Variants in WNT5B observed in about 807,000 individuals in gnomAD.
WNT5B encodes the protein protein Wnt-5b.
A neutral mutation model predicts 36.5 loss-of-function variants in WNT5B; 18 were observed. That is an observed-to-expected ratio of 0.49 (90% CI 0.34 to 0.73). The LOEUF (loss-of-function observed/expected upper bound fraction) is 0.73. WNT5B is among the 30% of genes least tolerant of loss of function. The pLI is 0.01. For missense variants in WNT5B, 424 were observed against 508.4 expected (o/e 0.83, Z 1.60); for synonymous variants, 213 against 212.3 (o/e 1.00, Z -0.03).
At chr12:1,621,516 T>C (rs2094533768) in intron 1 of WNT5B, among the ~76,000 whole-genome samples, 1 of 152,136 alleles carries the variant, frequency 6.6e-6, no homozygotes, top group Non-Finnish European at 1.5e-5. Context: ...TGATGCTGAA[T>C]TATCAATGGG....
At chr12:1,631,644 T>C (rs933198455) in intron 2 of WNT5B, among the ~76,000 whole-genome samples, 8 of 152,212 alleles carry the variant, frequency 5.3e-5, no homozygotes, top group South Asian at 4.1e-4. Flanking sequence ...TTCCGTTCAT[T>C]TGATTTTTTT....
intron 1 of WNT5B, among the ~76,000 whole-genome samples, chr12:1,619,125 C>T (rs1161930650): frequency 6.7e-6 from 1 of 148,802 alleles, no homozygotes; most frequent in Non-Finnish European, 1.5e-5. Flanking sequence ...CCACCAAGCC[C>T]CCAGCCCCTC....
chr12:1,622,173 T>C lies in WNT5B; in HGVS notation c.-58+5030T>C, dbSNP rs537544918. Reference sequence around the variant, plus strand: ...TCGCCCAGGCTGGAGTGCAGTGGCGTGATCTCGGCTCACTGCAAGCTCCGC... The same window carrying C: ...TCGCCCAGGCTGGAGTGCAGTGGCGCGATCTCGGCTCACTGCAAGCTCCGC... On this transcript the variant is annotated intron_variant, in intron 1 of 4. Transcript: ENST00000310594. 3.0e-3 allele frequency among the ~76,000 whole-genome samples: 435 copies of C among 147,114 alleles called. 10 individuals are homozygous for C. The highest frequency in any genetic ancestry group is 0.016 in the East Asian group (79 of 4,922).
chr12:1,627,165 G>GTT (rs1457468546), upstream of WNT5B, among the ~76,000 whole-genome samples: 2 of 152,238 alleles, frequency 1.3e-5, no homozygotes, highest in African/African-American at 2.4e-5. The surrounding 1 kb of genome is among the most constrained non-coding windows in gnomAD (Gnocchi z 5.0). Context: ...CTCTGGGAGG[G>GTT]ATGGTCAGGG....
At chr12:1,639,167 TCA>T (rs1489857446) in intron 3 of WNT5B, among the ~76,000 whole-genome samples, 7 of 151,552 alleles carry the variant, frequency 4.6e-5, no homozygotes, top group Admixed American at 1.3e-4. Context: ...AGACAGAGTC[TCA>T]CTCTGTCGCC....
chr12:1,629,574 A>G (rs985221671), intron 1 of WNT5B, among the ~76,000 whole-genome samples: 10 of 152,012 alleles, frequency 6.6e-5, no homozygotes, highest in African/African-American at 2.4e-4. Flanking sequence ...GCAGGAGGGC[A>G]CGGGCGGCCC....
chr12:1,644,207 G>A lies in WNT5B; in HGVS notation c.622-1587G>A, dbSNP rs2154439895. On this transcript the variant is annotated intron_variant, in intron 4 of 4. Coordinates refer to ENST00000397196, the MANE Select transcript of WNT5B (RefSeq NM_032642.3). The surrounding 1 kb of genome is among the most constrained non-coding windows in gnomAD (Gnocchi z 5.1). ...ATTTGGGATGGAAGGGTCATTGCAG[G>A]CCCCATCTTTGAAGTGTCTGTCAGG... 6.6e-6 allele frequency among the ~76,000 whole-genome samples: 1 copy of A among 152,296 alleles called. No homozygotes were observed. Among genetic ancestry groups the A allele is most frequent in the South Asian group, 2.1e-4 (1 of 4,824 alleles).
In WNT5B at chr12:1,646,035, G is replaced by A. The variant is rs1352425358; in HGVS notation, c.863G>A (p.Cys288Tyr). The A allele has an allele frequency of 1.2e-6, 2 of 1,613,218 alleles. No individual in the cohort carries two copies. Among genetic ancestry groups the A allele is most frequent in the Non-Finnish European group, 1.7e-6 (2 of 1,180,012 alleles). Reference protein sequence around the residue: ...LVYVDPSPDYCLRNESTGSLG... With the variant: ...LVYVDPSPDYYLRNESTGSLG... Reference sequence around the variant, plus strand: ...TATGTGGACCCCAGCCCCGACTACTGCCTGCGCAACGAGAGCACGGGCTCC... The same window carrying A: ...TATGTGGACCCCAGCCCCGACTACTACCTGCGCAACGAGAGCACGGGCTCC... Residue 288 changes from cysteine (C) to tyrosine (Y), a missense_variant, in exon 5 of 5, where the codon TGC becomes TAC. Transcript: ENST00000397196.
intron 4 of WNT5B, among the ~76,000 whole-genome samples, chr12:1,641,187 C>T (rs541822123): frequency 6.6e-6 from 1 of 152,202 alleles, no homozygotes; most frequent in South Asian, 2.1e-4. Context: ...GAGTTCGAGA[C>T]CAGCCTGACC....
rs1278403573 is a variant in WNT5B, at chr12:1,631,043, CTT to C, written c.-57-253_-57-252del. 2.5e-5 allele frequency: 6 copies of C among 240,490 alleles called. No individual in the cohort carries two copies. The Admixed American group carries it at 3.1e-4, about 12-fold the overall frequency. The allele number at this position is 240,490 out of a possible 1,614,324, so 14.9% of individuals were successfully genotyped here. A position where few individuals can be genotyped will look rare whatever the true frequency, so the allele number is the denominator to read the frequency against. On this transcript the variant is annotated intron_variant, in intron 1 of 4. Coordinates refer to ENST00000397196, the MANE Select transcript of WNT5B (RefSeq NM_032642.3). ...CTTGAAATTACTTGTTTTCATTTCTCTTTGTGGTTTCTCAGCTCATTATTTCT... is the reference window on the plus strand; with the variant it reads ...CTTGAAATTACTTGTTTTCATTTCTCTGTGGTTTCTCAGCTCATTATTTCT...
At chr12:1,629,845 G>A (rs1565605878) in intron 1 of WNT5B, 2 of 150,998 alleles carry the variant, frequency 1.3e-5, no homozygotes, top group Admixed American at 1.3e-4. Flanking sequence ...CAGAGGAGGG[G>A]GGGTCTGAGG....
At chr12:1,619,077 T>C (rs115345549) in intron 1 of WNT5B, among the ~76,000 whole-genome samples, 1,633 of 152,010 alleles carry the variant, frequency 0.011, 23 homozygotes, top group African/African-American at 0.036. Context: ...AGGGCCAGAA[T>C]TTAAATCTCA....
intron 1 of WNT5B, chr12:1,617,156 C>T (rs1354087204): frequency 6.6e-6 from 1 of 152,196 alleles, no homozygotes; most frequent in Non-Finnish European, 1.5e-5. Flanking sequence ...GAGGCCATAA[C>T]TTCTTATCTA....
intron 1 of WNT5B, among the ~76,000 whole-genome samples, chr12:1,623,073 C>T (rs1373109488): frequency 1.3e-4 from 19 of 151,596 alleles, no homozygotes; most frequent in Admixed American, 1.2e-3. Flanking sequence ...AGCATGAAAT[C>T]CTAAAGAGGA....
chr12:1,639,634 C>A, intron 3 of WNT5B, 50 bp from the exon 4 acceptor site: 8 of 1,444,218 alleles, frequency 5.5e-6, no homozygotes, highest in Non-Finnish European at 7.2e-6. Flanking sequence ...AAGGACAGGT[C>A]CCCGGGAGAG....
upstream of WNT5B, among the ~76,000 whole-genome samples, chr12:1,624,545 G>C (rs1205408763): frequency 6.6e-6 from 1 of 152,174 alleles, no homozygotes; most frequent in Admixed American, 6.5e-5. Context: ...TGTTTTCAAA[G>C]TGAGAATAAT....
intron 3 of WNT5B, among the ~76,000 whole-genome samples, chr12:1,635,674 T>A (rs1053845354): frequency 1.3e-5 from 2 of 152,192 alleles, no homozygotes; most frequent in African/African-American, 2.4e-5. Context: ...CCATGTCAGG[T>A]GGTTGAGGCT....
intron 3 of WNT5B, among the ~76,000 whole-genome samples, chr12:1,634,430 C>T (rs1033551821): frequency 5.9e-5 from 9 of 152,082 alleles, no homozygotes; most frequent in African/African-American, 2.2e-4. Context: ...ATGTGTATTT[C>T]GTGTGCATAA....
intron 4 of WNT5B, among the ~76,000 whole-genome samples, chr12:1,642,154 T>C (rs1182557219): frequency 3.3e-5 from 5 of 152,250 alleles, no homozygotes; most frequent in Admixed American, 1.3e-4. Flanking sequence ...TGGAGCCATC[T>C]CAGATGACTT....
Sources: allele counts gnomAD v4.1 joint callset (sites outside exome capture counted in the v4.1 genomes callset), GRCh38; gene constraint gnomAD v4.1.1; non-coding constraint Gnocchi (gnomAD v3.1); transcripts MANE v1.5; gene names NCBI Gene and HGNC (gene_info 2026-07-23, HGNC 2026-07-21).